The following CTBP2 variants were observed in gnomAD, a reference collection of about 807,000 sequenced individuals.
The protein encoded by CTBP2 is C-terminal binding protein 2, also known as C-terminal-binding protein 2.
Under a neutral mutation model 80.3 loss-of-function variants are expected in CTBP2, and 30 were observed. The observed-to-expected ratio is 0.37, with a 90% CI of 0.28 to 0.51. CTBP2 has a LOEUF of 0.51. Ranked by LOEUF, CTBP2 falls within the 20% of genes least tolerant of loss-of-function variation. The probability of loss-of-function intolerance (pLI) is 0.93; values close to 1 mark genes in which losing one functional copy is unlikely to be tolerated. For synonymous variants in CTBP2, 594 were observed against 587.4 expected, an observed-to-expected ratio of 1.01 and a Z score of -0.16; for missense variants, 1,212 against 1,375.3, an observed-to-expected ratio of 0.88 and a Z score of 1.88.
chr10:125,005,900 A>G (rs1286893044), intron 1 of CTBP2: 3 of 1,518,704 alleles, frequency 2.0e-6, no homozygotes, highest in Non-Finnish European at 2.6e-6. Context: ...GTGCCTGATT[A>G]TAAGAAATCC....
At position 125,026,857 on chromosome 10, in the gene CTBP2, C is replaced by A; in HGVS notation, c.903G>T (p.Gly301=). The A allele has an allele frequency of 1.2e-6, 2 of 1,613,742 alleles. No homozygotes were observed. Among genetic ancestry groups the A allele is most frequent in the Non-Finnish European group, 8.5e-7 (1 of 1,179,996 alleles). ...GGGCTCCCAGCGTGGCCTCTGCCAG[C>A]CCCTCCGCCCGCAGAAAGGCCAGGA... The change falls in exon 1 of 9, where the codon GGG becomes GGT. Residue 301 remains glycine, a synonymous_variant. Transcript: ENST00000309035.
At chr10:125,012,944 G>C (rs1033928822) in intron 1 of CTBP2, among the ~76,000 whole-genome samples, 1 of 152,196 alleles carries the variant, frequency 6.6e-6, no homozygotes, top group Non-Finnish European at 1.5e-5. Flanking sequence ...TCACCCTGGT[G>C]AACTCAGTCG....
At chr10:125,106,048 G>T (rs1263974243) in intron 2 of CTBP2, among the ~76,000 whole-genome samples, 1 of 152,202 alleles carries the variant, frequency 6.6e-6, no homozygotes, top group Non-Finnish European at 1.5e-5. Flanking sequence ...GCTGACCCGT[G>T]TCTCTGGCTG....
intron 5 of CTBP2, 64 bp from the exon 8 acceptor site, chr10:124,994,049 G>T: frequency 6.3e-7 from 1 of 1,589,846 alleles, no homozygotes; most frequent in Non-Finnish European, 8.6e-7. Context: ...TTGTACCAAG[G>T]TTTAAAGAAG....
At chr10:125,099,918 T>C (rs2135797660) in intron 2 of CTBP2, among the ~76,000 whole-genome samples, 1 of 152,266 alleles carries the variant, frequency 6.6e-6, no homozygotes, top group Non-Finnish European at 1.5e-5. Context: ...AAACAGGACT[T>C]TGCGCAGGCT....
Position 125,026,623 on chromosome 10 carries a change from G to A in CTBP2, c.1137C>T (p.Leu379=). 1 of 1,467,206 alleles carries A rather than the reference G, an allele frequency of 6.8e-7. No individual in the cohort carries two copies. Among genetic ancestry groups the A allele is most frequent in the Non-Finnish European group, 9.3e-7 (1 of 1,072,642 alleles). 90.9% of individuals were successfully genotyped at this position (1,467,206 alleles called of 1,614,324 possible). A position where few individuals can be genotyped will look rare whatever the true frequency, so the allele number is the denominator to read the frequency against. Reference sequence around the variant, plus strand: ...CGCCCAGAGAAGCCAAGTCACCATGGAGCAGTTCGCTTCGGTGGCTGAAGC... The same window carrying A: ...CGCCCAGAGAAGCCAAGTCACCATGAAGCAGTTCGCTTCGGTGGCTGAAGC... The change falls in exon 1 of 9, where the codon CTC becomes CTT. Residue 379 remains leucine (L), a synonymous_variant. Transcript: ENST00000309035.
chr10:125,144,694 T>C (rs1008995811), intron 1 of CTBP2, among the ~76,000 whole-genome samples: 1 of 152,188 alleles, frequency 6.6e-6, no homozygotes, highest in Non-Finnish European at 1.5e-5. Flanking sequence ...GGGAAGTAAA[T>C]GCACCTTTTG....
At chr10:125,049,434 GCTCCGGTGCCAC>G (rs1170574609) in intron 2 of CTBP2, among the ~76,000 whole-genome samples, 1 of 152,204 alleles carries the variant, frequency 6.6e-6, no homozygotes, top group Non-Finnish European at 1.5e-5. Flanking sequence ...CCCCACCTGA[GCTCCGGTGCCAC>G]CTCCCCCAGG....
chr10:125,048,797 C>T (rs1961916192), intron 2 of CTBP2, among the ~76,000 whole-genome samples: 1 of 152,152 alleles, frequency 6.6e-6, no homozygotes, highest in Non-Finnish European at 1.5e-5. Flanking sequence ...CCGCAAATGC[C>T]CCTTAGGCTT....
At chr10:125,136,088 C>T (rs1234812145) in intron 1 of CTBP2, among the ~76,000 whole-genome samples, 1 of 152,266 alleles carries the variant, frequency 6.6e-6, no homozygotes, top group African/African-American at 2.4e-5. Context: ...GTGGACCACA[C>T]ACTCAGAACC....
chr10:124,997,002 C>T (rs1953694385), intron 4 of CTBP2: 2 of 152,420 alleles, frequency 1.3e-5, no homozygotes, highest in Non-Finnish European at 2.9e-5. Context: ...AGCAACTTCT[C>T]TCTTGTTCAA....
intron 2 of CTBP2, among the ~76,000 whole-genome samples, chr10:125,086,803 T>C (rs1415777084): frequency 6.6e-6 from 1 of 152,042 alleles, no homozygotes; most frequent in Non-Finnish European, 1.5e-5. Flanking sequence ...GGAATTTTGT[T>C]ATAGTAGCCA....
chr10:125,144,845 A>G (rs1858459444), intron 1 of CTBP2, among the ~76,000 whole-genome samples: 1 of 152,174 alleles, frequency 6.6e-6, no homozygotes, highest in Non-Finnish European at 1.5e-5. Flanking sequence ...TGCAAAACCA[A>G]TTTCTTTTCT....
intron 2 of CTBP2, among the ~76,000 whole-genome samples, chr10:125,064,279 C>T (rs955506822): frequency 1.3e-5 from 2 of 152,154 alleles, no homozygotes; most frequent in Non-Finnish European, 2.9e-5. Flanking sequence ...CATTAGACAA[C>T]AATGGATTGA....
At chr10:125,042,769 C>A (rs1047133992) in intron 2 of CTBP2, among the ~76,000 whole-genome samples, 7 of 152,170 alleles carry the variant, frequency 4.6e-5, no homozygotes, top group Non-Finnish European at 1.0e-4. Context: ...ACACTCATCC[C>A]CGCAGCGAAT....
At chr10:125,048,738 G>A (rs541025254) in intron 2 of CTBP2, among the ~76,000 whole-genome samples, 47 of 152,180 alleles carry the variant, frequency 3.1e-4, no homozygotes, top group Admixed American at 1.8e-3. Flanking sequence ...TGGCAGAGAC[G>A]GAACACACAC....
intron 2 of CTBP2, among the ~76,000 whole-genome samples, chr10:125,064,173 T>C (rs1844278067): frequency 6.6e-6 from 1 of 152,262 alleles, no homozygotes; most frequent in African/African-American, 2.4e-5. Context: ...GGGAACACCA[T>C]AGTCTCCTCG....
intron 2 of CTBP2, among the ~76,000 whole-genome samples, chr10:125,073,920 C>T (rs1289630896): frequency 6.6e-6 from 1 of 152,206 alleles, no homozygotes; most frequent in Non-Finnish European, 1.5e-5. Flanking sequence ...GTTCTTACTC[C>T]CACGGCCCAG....
At chr10:125,040,560 T>A (rs1959393667) in intron 2 of CTBP2, among the ~76,000 whole-genome samples, 1 of 144,050 alleles carries the variant, frequency 6.9e-6, no homozygotes, top group African/African-American at 2.6e-5. Context: ...AGGAATACAA[T>A]TAAATCAGTC....
Sources: gnomAD v4.1 joint callset for allele counts (sites outside exome capture counted in the v4.1 genomes callset) on GRCh38, gnomAD v4.1.1 for gene constraint, MANE v1.5 for transcripts, NCBI Gene and HGNC (gene_info 2026-07-23, HGNC 2026-07-21) for gene names.